The following TRMT44 variants were observed in gnomAD, a reference collection of about 807,000 sequenced individuals.
TRMT44 encodes the protein probable tRNA (uracil-O(2)-)-methyltransferase.
In TRMT44, 78 loss-of-function variants were observed where a neutral mutation model predicts 77.3. The ratio of observed to expected loss-of-function variants is 1.01; its 90% CI spans 0.84 to 1.22. The LOEUF is 1.22. TRMT44 is among the 50% of genes most tolerant of loss of function. TRMT44 has a pLI of 0.00. For missense variants in TRMT44, 1,090 were observed against 964.4 expected (o/e 1.13, Z -1.73); for synonymous variants, 391 against 383.3 (o/e 1.02, Z -0.23).
At chr4:8,515,697 G>A in the TRMT44 span, among the ~76,000 whole-genome samples, 1 of 152,152 alleles carries the variant, frequency 6.6e-6, no homozygotes, top group Admixed American at 6.5e-5. Flanking sequence ...TCCTGACCAA[G>A]GAGCAGGCTG....
chr4:8,480,294 C>A (rs1195582818), downstream of TRMT44, among the ~76,000 whole-genome samples: 1 of 152,210 alleles, frequency 6.6e-6, no homozygotes, highest in Non-Finnish European at 1.5e-5. Context: ...CAAGCACGCA[C>A]TGTGGAGGTG....
intron 6 of TRMT44, among the ~76,000 whole-genome samples, chr4:8,463,025 C>G (rs1726268396): frequency 6.6e-6 from 1 of 152,132 alleles, no homozygotes; most frequent in Admixed American, 6.5e-5. Context: ...CAGAGAGAGA[C>G]AGAATTTCAG....
chr4:8,509,220 T>TGGGGAGGG, the TRMT44 span: 1 of 13,340 alleles, frequency 7.5e-5, no homozygotes, highest in Non-Finnish European at 1.7e-4. Flanking sequence ...GAAAAGGGAG[T>TGGGGAGGG]GGGGTGGGAG....
downstream of TRMT44, among the ~76,000 whole-genome samples, chr4:8,497,602 G>A (rs1178482428): frequency 3.3e-5 from 5 of 152,096 alleles, no homozygotes; most frequent in African/African-American, 9.7e-5. Context: ...CTGAGATCGC[G>A]CCACTGCACT....
At position 8,476,117 on chromosome 4, in the gene TRMT44, G is replaced by C. The variant is rs886886829; in HGVS notation, c.*116G>C. The C allele has an allele frequency of 6.7e-6, 6 of 889,308 alleles. No homozygotes were observed. The highest frequency in any genetic ancestry group is 6.7e-5 in the African/African-American group (4 of 59,798). 55.1% of individuals were successfully genotyped at this position (889,308 alleles called of 1,614,324 possible). A position where few individuals can be genotyped will look rare whatever the true frequency, so the allele number is the denominator to read the frequency against. Reference sequence around the variant, plus strand: ...CTGTGTTTCAGCCCACCTCCTCCCAGCTTTCTCCACATCCTCACAGTGATG... The same window carrying C: ...CTGTGTTTCAGCCCACCTCCTCCCACCTTTCTCCACATCCTCACAGTGATG... On this transcript the variant is annotated 3_prime_UTR_variant, in exon 11 of 11. Coordinates refer to ENST00000389737, the MANE Select transcript of TRMT44 (RefSeq NM_152544.3).
At chr4:8,477,033 G>T (rs914878713), downstream of TRMT44, 1 of 152,200 alleles carries the variant, frequency 6.6e-6, no homozygotes, top group Non-Finnish European at 1.5e-5. Flanking sequence ...GAGCCATGGC[G>T]TCTGACCCCC....
intron 8 of TRMT44, among the ~76,000 whole-genome samples, chr4:8,466,765 G>T (rs943803374): frequency 3.9e-5 from 6 of 152,324 alleles, no homozygotes; most frequent in African/African-American, 1.4e-4. Flanking sequence ...ATCTCTCTGA[G>T]CTTCAGTTTT....
chr4:8,498,026 G>C (rs1013903794), downstream of TRMT44, among the ~76,000 whole-genome samples: 2 of 152,186 alleles, frequency 1.3e-5, no homozygotes, highest in Non-Finnish European at 2.9e-5. The surrounding 1 kb of genome is among the most constrained non-coding windows in gnomAD (Gnocchi z 4.3). Context: ...TCCCTCCCCA[G>C]CCTCTGTGGA....
At chr4:8,454,585 T>C in intron 5 of TRMT44, 157 bp from the exon 6 acceptor site, 1 of 634,664 alleles carries the variant, frequency 1.6e-6, no homozygotes, top group South Asian at 1.9e-5. Context: ...TGGCACCTGG[T>C]GCGCTGGACA....
At position 8,444,136 on chromosome 4, in the gene TRMT44, G is replaced by A. The variant is rs545915807; in HGVS notation, c.620-2340G>A. Among the ~76,000 whole-genome samples, 2 of 152,236 alleles carry A rather than the reference G, an allele frequency of 1.3e-5. No individual in the cohort carries two copies. Among genetic ancestry groups the A allele is most frequent in the Admixed American group, 1.3e-4 (2 of 15,300 alleles). On this transcript the variant is annotated intron_variant, in intron 1 of 10. Transcript: ENST00000389737. The surrounding 1 kb of genome is among the most constrained non-coding windows in gnomAD (Gnocchi z 4.0). Reference sequence around the variant, plus strand: ...ACGCCTGGTTTTCTCATCTAGAACAGAGGTTTCAGTCGGGGCAGTTTTGAT... The same window carrying A: ...ACGCCTGGTTTTCTCATCTAGAACAAAGGTTTCAGTCGGGGCAGTTTTGAT...
intron 3 of TRMT44, 110 bp downstream of exon 3, chr4:8,449,998 C>T (rs550606251): frequency 1.6e-6 from 1 of 629,814 alleles, no homozygotes; most frequent in Non-Finnish European, 2.4e-6. Context: ...TCTGTCACCC[C>T]CCCAAAAAAA....
At chr4:8,502,245 G>A in the TRMT44 span, among the ~76,000 whole-genome samples, 7 of 152,304 alleles carry the variant, frequency 4.6e-5, no homozygotes, top group East Asian at 5.8e-4. Flanking sequence ...AATGGTCCTC[G>A]GGACAGGCAG....
At chr4:8,495,338 C>T (rs1425266158), downstream of TRMT44, among the ~76,000 whole-genome samples, 3 of 152,172 alleles carry the variant, frequency 2.0e-5, no homozygotes, top group African/African-American at 7.2e-5. Flanking sequence ...ACAGCAACTG[C>T]CAGAGTCAGG....
chr4:8,462,635 G>A (rs544378326), intron 6 of TRMT44, among the ~76,000 whole-genome samples: 16 of 152,304 alleles, frequency 1.1e-4, no homozygotes, highest in African/African-American at 3.6e-4. Context: ...AACCTGGGAA[G>A]CGGAGGTTGC....
At chr4:8,447,879 G>C (rs112408438) in intron 2 of TRMT44, among the ~76,000 whole-genome samples, 1 of 152,210 alleles carries the variant, frequency 6.6e-6, no homozygotes, top group Non-Finnish European at 1.5e-5. Flanking sequence ...GTGCCCATTA[G>C]CCAGAAAGTG....
At chr4:8,481,845 G>A (rs761321386) in intron 2 of TRMT44, among the ~76,000 whole-genome samples, 5 of 152,232 alleles carry the variant, frequency 3.3e-5, no homozygotes, top group Non-Finnish European at 7.3e-5. Context: ...TAACAGGGCT[G>A]CTTTCTGAAT....
intron 2 of TRMT44, among the ~76,000 whole-genome samples, chr4:8,448,620 A>G (rs529835314): frequency 7.9e-5 from 12 of 152,346 alleles, no homozygotes; most frequent in African/African-American, 2.2e-4. Context: ...CCCAGCAGGA[A>G]CGCTTCTGGA....
chr4:8,449,951 T>TTTCTTTTC (rs56676930), intron 3 of TRMT44, 63 bp downstream of exon 3: 2,438 of 272,952 alleles, frequency 8.9e-3, no homozygotes, highest in South Asian at 0.027. Context: ...TTTCTTTTCT[T>TTTCTTTTC]TTTTTTTTTT....
chr4:8,507,509 T>G, the TRMT44 span: 1 of 153,366 alleles, frequency 6.5e-6, no homozygotes, highest in African/African-American at 2.4e-5. Context: ...TCCTTGCCTG[T>G]GGGTTCTGGG....
Sources: allele counts gnomAD v4.1 joint callset (sites outside exome capture counted in the v4.1 genomes callset), GRCh38; gene constraint gnomAD v4.1.1; non-coding constraint Gnocchi (gnomAD v3.1); transcripts MANE v1.5; gene names NCBI Gene and HGNC (gene_info 2026-07-23, HGNC 2026-07-21).